Variants in CYP4F3 observed in about 807,000 individuals in gnomAD.
CYP4F3 encodes the protein cytochrome P450 family 4 subfamily F member 3.
Under a neutral mutation model 54.8 loss-of-function variants are expected in CYP4F3, and 50 were observed. The ratio of observed to expected loss-of-function variants is 0.91; its 90% CI spans 0.73 to 1.16. The LOEUF (loss-of-function observed/expected upper bound fraction) is 1.16, where lower values mean the gene tolerates loss of function less well. Ranked by LOEUF, CYP4F3 falls within the 50% of genes most tolerant of loss-of-function variation. CYP4F3 has a pLI of 0.00. For missense variants in CYP4F3, 715 were observed against 676.2 expected (o/e 1.06, Z -0.64); for synonymous variants, 244 against 262.6 (o/e 0.93, Z 0.69).
intron 2 of CYP4F3, among the ~76,000 whole-genome samples, chr19:15,642,207 G>C (rs950723779): frequency 6.6e-6 from 1 of 152,150 alleles, no homozygotes; most frequent in Non-Finnish European, 1.5e-5. Flanking sequence ...CTCTGACTTA[G>C]ACCTGCTCTC....
chr19:15,658,588 C>T (rs947514538), intron 11 of CYP4F3, 33 bp downstream of exon 11: 2 of 1,613,416 alleles, frequency 1.2e-6, no homozygotes, highest in African/African-American at 1.3e-5. Flanking sequence ...TTTGTCCATT[C>T]CAAGGCTCCT....
Position 15,647,997 on chromosome 19 carries a change from A to G in CYP4F3, c.525+673A>G, listed in dbSNP as rs147647854. Among the ~76,000 whole-genome samples, 23 of 152,316 alleles carry G rather than the reference A, an allele frequency of 1.5e-4. 1 individual carries two copies. The East Asian group carries it at 3.7e-3, about 24-fold the overall frequency. ...TTGTATTTTGACATCAAAAGCCAAT[A>G]GTCCAACACGGAATCAATGGCAGGG... On this transcript the variant is annotated intron_variant, in intron 5 of 12. Coordinates refer to ENST00000221307, the MANE Select transcript of CYP4F3 (RefSeq NM_000896.3).
intron 9 of CYP4F3, among the ~76,000 whole-genome samples, chr19:15,653,832 C>A (rs960546944): frequency 6.8e-6 from 1 of 147,712 alleles, no homozygotes; most frequent in African/African-American, 2.5e-5. Flanking sequence ...GAGGGAGAGA[C>A]TGACTTGTGG....
At chr19:15,657,627 A>T (rs1021784403) in intron 9 of CYP4F3, among the ~76,000 whole-genome samples, 2 of 150,404 alleles carry the variant, frequency 1.3e-5, no homozygotes, top group Non-Finnish European at 2.9e-5. Flanking sequence ...TTTATGGCAC[A>T]AACTTTCCCA....
rs1352899338 is a variant in CYP4F3, at chr19:15,660,353, T to C, written c.*968T>C. On this transcript the variant is annotated 3_prime_UTR_variant, in exon 13 of 13. Coordinates refer to ENST00000221307, the MANE Select transcript of CYP4F3 (RefSeq NM_000896.3). Reference sequence around the variant, plus strand: ...TTTTATAGCAATAGATGCACAGATATTCCTGTAAGATACAGGTGTGGTTAG... The same window carrying C: ...TTTTATAGCAATAGATGCACAGATACTCCTGTAAGATACAGGTGTGGTTAG... The C allele has an allele frequency of 6.6e-6, 1 of 152,216 alleles. No homozygotes were observed. Among genetic ancestry groups the C allele is most frequent in the East Asian group, 1.9e-4 (1 of 5,202 alleles). 9.4% of individuals were successfully genotyped at this position (152,216 alleles called of 1,614,324 possible).
intron 9 of CYP4F3, among the ~76,000 whole-genome samples, chr19:15,656,724 CTATT>C (rs778825574): frequency 0.11 from 12,352 of 115,464 alleles, 545 homozygotes; most frequent in Non-Finnish European, 0.12. Context: ...TCTATATCAT[CTATT>C]TATCTATCTA....
rs1318907569 is a variant in CYP4F3, at chr19:15,658,537, C to T, written c.1296C>T (p.Ala432=). 12 of 1,614,146 alleles carry T rather than the reference C, an allele frequency of 7.4e-6. No homozygotes were observed. The highest frequency in any genetic ancestry group is 1.1e-5 in the South Asian group (1 of 91,082). ...TTTTTGGAACCCATCACAACCCAGC[C>T]GTGTGGCCGGACCCTGAGGTGCGGG... ...ISVFGTHHNP[A]VWPDPEVYDP... is the part of the protein sequence containing the mutation. Residue 432 remains alanine, a synonymous_variant, in exon 11 of 13, where the codon GCC becomes GCT. Coordinates refer to ENST00000221307, the MANE Select transcript of CYP4F3 (RefSeq NM_000896.3).
At chr19:15,652,374 G>A (rs1205054931) in intron 7 of CYP4F3, among the ~76,000 whole-genome samples, 195 bp from the exon 8 acceptor site, 2 of 152,160 alleles carry the variant, frequency 1.3e-5, no homozygotes, top group Non-Finnish European at 2.9e-5. Context: ...AAAAGGCAAG[G>A]AAGCCAGGGA....
At chr19:15,645,900 A>G in intron 3 of CYP4F3, 37 bp downstream of exon 3, 1 of 1,557,626 alleles carries the variant, frequency 6.4e-7, no homozygotes, top group Non-Finnish European at 8.7e-7. Context: ...TAGACACTGC[A>G]CTGGCCACGC....
At position 15,661,689 on chromosome 19, in the gene CYP4F3, T is replaced by A. The variant is rs4305201; in HGVS notation, c.*2304T>A. The stretch of plus-strand genomic sequence containing the variant: ...TGTGATTTGCAAGTCTTCTTCCTAG[T>A]CTCTGAAGTTTCTTTCTTTCATAGA... On this transcript the variant is annotated 3_prime_UTR_variant, in exon 13 of 13. Transcript: ENST00000221307. 67,344 of 151,986 alleles carry A rather than the reference T, an allele frequency of 0.44. 15,376 individuals carry two copies. The highest frequency in any genetic ancestry group is 0.53 in the East Asian group (2,761 of 5,176). The allele number at this position is 151,986 out of a possible 1,614,324, so 9.4% of individuals were successfully genotyped here.
chr19:15,647,437 C>A, intron 5 of CYP4F3, 113 bp downstream of exon 5: 1 of 1,513,868 alleles, frequency 6.6e-7, no homozygotes, highest in Non-Finnish European at 8.9e-7. Flanking sequence ...TTGTCTTCCT[C>A]TCTGAGCTTT....
At chr19:15,647,612 T>A (rs1192742190) in intron 5 of CYP4F3, among the ~76,000 whole-genome samples, 2 of 152,236 alleles carry the variant, frequency 1.3e-5, no homozygotes, top group African/African-American at 4.8e-5. Flanking sequence ...ATAATAGCTG[T>A]TGCTGATAAG....
At chr19:15,642,414 T>C (rs939004331) in intron 2 of CYP4F3, among the ~76,000 whole-genome samples, 1 of 151,986 alleles carries the variant, frequency 6.6e-6, no homozygotes, top group African/African-American at 2.4e-5. Flanking sequence ...GAAGGGAAGG[T>C]CCCCTGTGTG....
rs1366759584 is a variant in CYP4F3 at position 15,650,806 on chromosome 19, TTCTC to T, written c.918+625_918+628del. 1.5e-4 allele frequency among the ~76,000 whole-genome samples: 2 copies of T among 13,694 alleles called. 1 individual carries two copies. The highest frequency in any genetic ancestry group is 2.5e-4 in the Non-Finnish European group (2 of 8,142). 9.0% of individuals were successfully genotyped at this position (13,694 alleles called of 152,430 possible). ...TTCTTTCTTTCTTTCTTTCTCTCTC[TTCTC>T]TTTCTTTCTTTCTTTCTTTCTTTCT... On this transcript the variant is annotated intron_variant, in intron 7 of 12. Coordinates refer to ENST00000221307, the MANE Select transcript of CYP4F3 (RefSeq NM_000896.3).
chr19:15,656,626 T>A (rs139818482), intron 9 of CYP4F3, among the ~76,000 whole-genome samples: 1,834 of 152,210 alleles, frequency 0.012, 37 homozygotes, highest in African/African-American at 0.041. Flanking sequence ...CATCTATGTA[T>A]CTCTGTATCT....
intron 9 of CYP4F3, among the ~76,000 whole-genome samples, chr19:15,657,470 G>A (rs1294228890): frequency 6.6e-6 from 1 of 151,958 alleles, no homozygotes; most frequent in Non-Finnish European, 1.5e-5. Context: ...AATTTTTTTT[G>A]TAGAGATGGG....
rs796969090 is a variant in CYP4F3, at chr19:15,651,546, G to A, written c.919-1023G>A. 2.3e-4 allele frequency among the ~76,000 whole-genome samples: 26 copies of A among 112,688 alleles called. 3 individuals are homozygous for A. Among genetic ancestry groups the A allele is most frequent in the African/African-American group, 6.0e-4 (20 of 33,288 alleles). 73.9% of individuals were successfully genotyped at this position (112,688 alleles called of 152,430 possible). ...AATTTTTTGTATTTTTAGTACAGAC[G>A]GAGCTTCACTATTTTTAGTCTCAAA... On this transcript the variant is annotated intron_variant, in intron 7 of 12. Transcript: ENST00000221307.
chr19:15,649,743 A>G (rs1972731243), intron 6 of CYP4F3, among the ~76,000 whole-genome samples, 170 bp from the exon 7 acceptor site: 1 of 152,080 alleles, frequency 6.6e-6, no homozygotes, highest in Admixed American at 6.5e-5. Context: ...GAGAGATAAG[A>G]GAGCCTGGAG....
rs765496128 is a variant in CYP4F3 at position 15,644,007 on chromosome 19, G to A, written c.199-1712G>A. ...ATGGGCCCCATCTTCCCCGTCATCC[G>A]TTTTTGCCACCCCAACATCATCCGG... On this transcript the variant is annotated intron_variant, in intron 2 of 12. Coordinates refer to ENST00000221307, the MANE Select transcript of CYP4F3 (RefSeq NM_000896.3). 45 of 1,603,910 alleles carry A rather than the reference G, an allele frequency of 2.8e-5. No individual in the cohort carries two copies. The highest frequency in any genetic ancestry group is 1.3e-4 in the African/African-American group (10 of 74,520).
Sources: gnomAD v4.1 joint callset for allele counts (sites outside exome capture counted in the v4.1 genomes callset) on GRCh38, gnomAD v4.1.1 for gene constraint, MANE v1.5 for transcripts, NCBI Gene and HGNC (gene_info 2026-07-23, HGNC 2026-07-21) for gene names.